The following ETS1 variants were observed in gnomAD, a reference collection of about 807,000 sequenced individuals.
ETS1 encodes the protein protein C-ets-1.
Under a neutral mutation model 58.6 loss-of-function variants are expected in ETS1, and 15 were observed. That is an observed-to-expected ratio of 0.26 (90% CI 0.17 to 0.39). The LOEUF is 0.39. ETS1 is among the 10% of genes least tolerant of loss of function. The pLI is 1.00. For synonymous variants in ETS1, 214 were observed against 218.2 expected (o/e 0.98, Z 0.17); for missense variants, 417 against 610.5 (o/e 0.68, Z 3.34).
At chr11:128,568,261 C>G (rs1002401240) in intron 2 of ETS1, among the ~76,000 whole-genome samples, 1 of 152,196 alleles carries the variant, frequency 6.6e-6, no homozygotes, top group African/African-American at 2.4e-5. Context: ...GGTGAGACAT[C>G]CCAGGCTGGG....
chr11:128,557,405 GA>G (rs1184741749), intron 2 of ETS1, among the ~76,000 whole-genome samples: 1 of 152,124 alleles, frequency 6.6e-6, no homozygotes, highest in Non-Finnish European at 1.5e-5. Flanking sequence ...TAATGTATGA[GA>G]AAATTGTATA....
intron 3 of ETS1, chr11:128,505,222 G>T (rs1390985447): frequency 6.6e-6 from 1 of 152,188 alleles, no homozygotes; most frequent in Non-Finnish European, 1.5e-5. Context: ...TCCAAATAGG[G>T]TCACTGAGCC....
At chr11:128,489,899 A>G (rs1862749264) in intron 4 of ETS1, among the ~76,000 whole-genome samples, 2 of 152,164 alleles carry the variant, frequency 1.3e-5, no homozygotes, top group African/African-American at 4.8e-5. Flanking sequence ...ACTATAATAT[A>G]CTTGAGACTA....
At chr11:128,483,069 G>C (rs1194349049) in intron 7 of ETS1, among the ~76,000 whole-genome samples, 1 of 152,214 alleles carries the variant, frequency 6.6e-6, no homozygotes, top group East Asian at 1.9e-4. Flanking sequence ...TTGGCCCTTT[G>C]CATAGGCCCT....
chr11:128,563,243 C>T (rs1046478778), intron 2 of ETS1, among the ~76,000 whole-genome samples: 1 of 152,272 alleles, frequency 6.6e-6, no homozygotes, highest in South Asian at 2.1e-4. Flanking sequence ...ATGTAAGACA[C>T]TATACATATT....
At chr11:128,524,686 T>C (rs1863765851) in intron 3 of ETS1, among the ~76,000 whole-genome samples, 1 of 152,222 alleles carries the variant, frequency 6.6e-6, no homozygotes, top group Non-Finnish European at 1.5e-5. Context: ...TATGTTATCA[T>C]ACGCTAAAAC....
chr11:128,527,294 C>T (rs1486056148), intron 3 of ETS1: 9 of 193,560 alleles, frequency 4.6e-5, no homozygotes, highest in African/African-American at 1.9e-4. Context: ...CATTCAACTG[C>T]ATCTGCAGCC....
chr11:128,487,367 C>G (rs1430072324), intron 5 of ETS1, among the ~76,000 whole-genome samples: 2 of 152,210 alleles, frequency 1.3e-5, no homozygotes. Context: ...CCAAACCAGT[C>G]TTAGCGGCCA....
intron 1 of ETS1, among the ~76,000 whole-genome samples, chr11:128,573,765 A>G (rs1207809747): frequency 6.6e-6 from 1 of 152,222 alleles, no homozygotes; most frequent in Admixed American, 6.5e-5. Context: ...ATGCTTGAGC[A>G]ATTTTCTGGC....
At chr11:128,569,452 G>T (rs1048588113) in intron 2 of ETS1, among the ~76,000 whole-genome samples, 1 of 150,754 alleles carries the variant, frequency 6.6e-6, no homozygotes, top group African/African-American at 2.5e-5. Context: ...CAACAGAACC[G>T]AGAAGACTCT....
intron 3 of ETS1, among the ~76,000 whole-genome samples, chr11:128,546,845 A>G (rs1048343684): frequency 1.3e-5 from 2 of 152,040 alleles, no homozygotes; most frequent in African/African-American, 4.8e-5. Context: ...GGGAAAATCT[A>G]CTGTGCACTA....
At chr11:128,566,617 A>C (rs1233814110) in intron 2 of ETS1, among the ~76,000 whole-genome samples, 1 of 152,096 alleles carries the variant, frequency 6.6e-6, no homozygotes, top group Non-Finnish European at 1.5e-5. Flanking sequence ...CCCCGTCTCT[A>C]CTAAAAATAC....
intron 8 of ETS1, among the ~76,000 whole-genome samples, chr11:128,475,917 C>A (rs2135432061): frequency 6.6e-6 from 1 of 151,760 alleles, no homozygotes; most frequent in East Asian, 1.9e-4. Flanking sequence ...GTCTCACACA[C>A]ACAAAAAAAT....
chr11:128,470,823 A>G (rs1308485178), intron 8 of ETS1, among the ~76,000 whole-genome samples: 2 of 152,198 alleles, frequency 1.3e-5, no homozygotes, highest in African/African-American at 2.4e-5. Flanking sequence ...TACGAATGTA[A>G]AAATTTTTAA....
chr11:128,476,971 G>A (rs991871096), intron 8 of ETS1, among the ~76,000 whole-genome samples: 3 of 152,244 alleles, frequency 2.0e-5, no homozygotes, highest in Admixed American at 2.0e-4. Context: ...GAAGGTTGAT[G>A]CAATTTTCTT....
At chr11:128,470,541 T>A (rs951865746) in intron 8 of ETS1, among the ~76,000 whole-genome samples, 1 of 152,132 alleles carries the variant, frequency 6.6e-6, no homozygotes, top group Non-Finnish European at 1.5e-5. Context: ...TATATACATA[T>A]ATATAGACAG....
At chr11:128,525,310 T>C (rs1471508401) in intron 3 of ETS1, among the ~76,000 whole-genome samples, 11 of 152,062 alleles carry the variant, frequency 7.2e-5, no homozygotes, top group South Asian at 2.1e-4. Flanking sequence ...ACATGGAGTA[T>C]GTAAAAAGCA....
At chr11:128,522,488 C>T (rs2135520599) in intron 3 of ETS1, 1 of 383,182 alleles carries the variant, frequency 2.6e-6, no homozygotes, top group Non-Finnish European at 3.6e-6. Flanking sequence ...GGCCGAGCAC[C>T]GCGGCCAATC....
At chr11:128,536,483 A>G (rs1313318836) in intron 3 of ETS1, 1 of 152,256 alleles carries the variant, frequency 6.6e-6, no homozygotes, top group Non-Finnish European at 1.5e-5. Flanking sequence ...TTATCATGAG[A>G]TATTGGGTAC....
Sources: allele counts gnomAD v4.1 joint callset (sites outside exome capture counted in the v4.1 genomes callset), GRCh38; gene constraint gnomAD v4.1.1; transcripts MANE v1.5; gene names NCBI Gene and HGNC (gene_info 2026-07-23, HGNC 2026-07-21).